The following HIVEP3 variants were observed in gnomAD, a reference collection of about 807,000 sequenced individuals.
The protein encoded by HIVEP3 is transcription factor HIVEP3.
HIVEP3 carries 49 observed loss-of-function variants against 152.8 expected under a neutral mutation model. The ratio of observed to expected loss-of-function variants is 0.32; its 90% CI spans 0.26 to 0.41. The LOEUF is 0.41. Among genes scored for constraint, HIVEP3 ranks in the 10% least tolerant of loss-of-function variants. The pLI is 1.00. For missense variants in HIVEP3, 2,790 were observed against 3,103.3 expected (o/e 0.90, Z 2.40); for synonymous variants, 1,269 against 1,289.0 (o/e 0.98, Z 0.33).
chr1:41,780,536 C>T lies in HIVEP3; in HGVS notation c.-800-79541G>A, dbSNP rs147841009. Among the ~76,000 whole-genome samples, 523 of 152,316 alleles carry T rather than the reference C, an allele frequency of 3.4e-3. 2 individuals are homozygous for T. The highest frequency in any genetic ancestry group is 0.012 in the African/African-American group (507 of 41,566). The stretch of plus-strand genomic sequence containing the variant: ...TGTCTTAAAGTGGCCATGGTCAGGG[C>T]CCACCTCCTAAACCTGCAGATTGGA... On this transcript the variant is annotated intron_variant, in intron 1 of 8. Transcript: ENST00000372583.
intron 1 of HIVEP3, among the ~76,000 whole-genome samples, chr1:41,714,375 G>C (rs912439369): frequency 1.3e-5 from 2 of 152,204 alleles, no homozygotes; most frequent in Admixed American, 1.3e-4. Flanking sequence ...TGGGTACCAT[G>C]CCACCTTCGC....
At chr1:41,768,200 G>T (rs1648132571) in intron 1 of HIVEP3, among the ~76,000 whole-genome samples, 1 of 152,186 alleles carries the variant, frequency 6.6e-6, no homozygotes, top group Non-Finnish European at 1.5e-5. Context: ...ACATGACTAG[G>T]GAGGCCTCAC....
At chr1:42,002,351 C>T (rs757073212) in intron 1 of HIVEP3, among the ~76,000 whole-genome samples, 16 of 152,276 alleles carry the variant, frequency 1.1e-4, no homozygotes, top group Non-Finnish European at 1.8e-4. Context: ...TGGCCTCTCA[C>T]AGACACAGAC....
chr1:41,630,065 T>G (rs1645172131), intron 2 of HIVEP3, among the ~76,000 whole-genome samples: 1 of 152,190 alleles, frequency 6.6e-6, no homozygotes, highest in Non-Finnish European at 1.5e-5. Context: ...GAAAATGTGA[T>G]GCATATACAC....
At chr1:41,932,121 A>G (rs752595201) in intron 1 of HIVEP3, among the ~76,000 whole-genome samples, 3 of 151,904 alleles carry the variant, frequency 2.0e-5, no homozygotes, top group Non-Finnish European at 4.4e-5. Context: ...ATTGCCTTCT[A>G]TTCATAGTTT....
chr1:41,750,294 T>TAACA (rs1647139438), intron 1 of HIVEP3, among the ~76,000 whole-genome samples: 1 of 152,230 alleles, frequency 6.6e-6, no homozygotes, highest in Non-Finnish European at 1.5e-5. Context: ...TCACAACTTC[T>TAACA]AACATGAGTC....
chr1:42,035,068 G>A (rs1046811230), intron 1 of HIVEP3, among the ~76,000 whole-genome samples: 19 of 152,170 alleles, frequency 1.2e-4, no homozygotes, highest in Non-Finnish European at 2.6e-4. Flanking sequence ...TTCCCACCTT[G>A]TTAATTAACT....
intron 2 of HIVEP3, among the ~76,000 whole-genome samples, chr1:41,653,013 A>C (rs1292696364): frequency 2.2e-5 from 3 of 137,984 alleles, no homozygotes; most frequent in East Asian, 5.0e-4. Context: ...TTTTCTTCTG[A>C]GGATAAAAGA....
intron 5 of HIVEP3, among the ~76,000 whole-genome samples, chr1:41,552,077 T>G (rs1476877175): frequency 6.6e-6 from 1 of 152,228 alleles, no homozygotes; most frequent in African/African-American, 2.4e-5. Context: ...TCCTGGTACA[T>G]TGTGTCTTTG....
At chr1:41,806,686 C>T (rs953268024) in intron 1 of HIVEP3, among the ~76,000 whole-genome samples, 1 of 152,224 alleles carries the variant, frequency 6.6e-6, no homozygotes, top group Non-Finnish European at 1.5e-5. Flanking sequence ...ACTGTGCTTC[C>T]CCTCTGTGGC....
intron 3 of HIVEP3, among the ~76,000 whole-genome samples, chr1:41,625,971 T>C (rs560984340): frequency 1.3e-5 from 2 of 152,380 alleles, no homozygotes; most frequent in South Asian, 4.1e-4. Flanking sequence ...GTTTGAAAAC[T>C]GCTCAAGTTT....
intron 1 of HIVEP3, among the ~76,000 whole-genome samples, chr1:41,877,669 T>C (rs1644192346): frequency 1.7e-5 from 1 of 57,826 alleles, no homozygotes; most frequent in Admixed American, 1.7e-4. Flanking sequence ...AAAATTCATA[T>C]GGGTTTCATA....
At chr1:41,688,201 G>T (rs1032329937) in intron 2 of HIVEP3, among the ~76,000 whole-genome samples, 1 of 151,520 alleles carries the variant, frequency 6.6e-6, no homozygotes, top group Admixed American at 6.6e-5. Flanking sequence ...CCTCTCGTCT[G>T]ACCCCTTCTG....
At chr1:41,728,491 T>G (rs899143473) in intron 1 of HIVEP3, among the ~76,000 whole-genome samples, 2 of 147,098 alleles carry the variant, frequency 1.4e-5, no homozygotes, top group Non-Finnish European at 1.5e-5. Flanking sequence ...TAAGGGGGGG[T>G]GAAATGTAAT....
intron 2 of HIVEP3, among the ~76,000 whole-genome samples, chr1:41,661,396 G>C (rs149573943): frequency 0.016 from 2,453 of 152,294 alleles, 32 homozygotes; most frequent in Non-Finnish European, 0.021. Context: ...TCTGATTAAG[G>C]GGGGTTGGGG....
chr1:41,653,695 G>A (rs748533327), intron 2 of HIVEP3, among the ~76,000 whole-genome samples: 3 of 152,118 alleles, frequency 2.0e-5, no homozygotes, highest in Non-Finnish European at 4.4e-5. Flanking sequence ...CCAAATGTTC[G>A]CATGCCAAGG....
intron 1 of HIVEP3, among the ~76,000 whole-genome samples, chr1:42,030,822 T>C (rs1401548477): frequency 6.6e-6 from 1 of 152,210 alleles, no homozygotes; most frequent in African/African-American, 2.4e-5. Context: ...CAGTTGACAA[T>C]CATTGAAGAC....
intron 1 of HIVEP3, among the ~76,000 whole-genome samples, chr1:41,723,486 A>G (rs570915226): frequency 2.2e-5 from 3 of 136,290 alleles, no homozygotes; most frequent in Non-Finnish European, 4.6e-5. Flanking sequence ...TCATACACAC[A>G]CACACACACA....
intron 5 of HIVEP3, among the ~76,000 whole-genome samples, chr1:41,539,575 G>A (rs1340658485): frequency 6.6e-6 from 1 of 152,166 alleles, no homozygotes; most frequent in Non-Finnish European, 1.5e-5. Context: ...CCCAGACCCA[G>A]AATGGGGAAG....
Sources: allele counts gnomAD v4.1 joint callset (sites outside exome capture counted in the v4.1 genomes callset), GRCh38; gene constraint gnomAD v4.1.1; transcripts MANE v1.5; gene names NCBI Gene and HGNC (gene_info 2026-07-23, HGNC 2026-07-21).